SCML4: variants seen among roughly 807,000 people sequenced by gnomAD.
SCML4 encodes the protein sex comb on midleg-like protein 4.
Under a neutral mutation model 41.1 loss-of-function variants are expected in SCML4, and 34 were observed. The observed-to-expected ratio is 0.83, with a 90% CI of 0.63 to 1.10. The LOEUF (loss-of-function observed/expected upper bound fraction) is 1.10, where lower values mean the gene tolerates loss of function less well. SCML4 is among the 50% of genes least tolerant of loss of function. SCML4 has a pLI of 0.00. For synonymous variants in SCML4, 214 were observed against 220.9 expected (o/e 0.97, Z 0.28); for missense variants, 522 against 534.1 (o/e 0.98, Z 0.22).
rs543060112 is a variant in SCML4, at chr6:107,813,370, T to TTATATATA, written c.-60+10748_-60+10755dup. On this transcript the variant is annotated intron_variant, in intron 1 of 7. Coordinates refer to ENST00000369020, the MANE Select transcript of SCML4 (RefSeq NM_198081.5). ...AGAGTGAGACGCCATCTCAAAAAAA[T>TTATATATA]TATATATATATATATATATATATAT... is the stretch of plus-strand genomic sequence containing the variant. Among the ~76,000 whole-genome samples the TTATATATA allele has an allele frequency of 1.8e-3, 76 of 42,414 alleles. 1 individual carries two copies. Among genetic ancestry groups the TTATATATA allele is most frequent in the African/African-American group, 3.0e-3 (22 of 7,326 alleles). The allele number at this position is 42,414 out of a possible 152,430, so 27.8% of individuals were successfully genotyped here. A position where few individuals can be genotyped will look rare whatever the true frequency, so the allele number is the denominator to read the frequency against.
intron 1 of SCML4, among the ~76,000 whole-genome samples, chr6:107,820,925 C>G (rs927728600): frequency 1.3e-5 from 2 of 152,200 alleles, no homozygotes; most frequent in African/African-American, 4.8e-5. Context: ...CTTTTGACCT[C>G]AGAAATTTTA....
intron 1 of SCML4, among the ~76,000 whole-genome samples, chr6:107,786,607 T>C (rs1562258010): frequency 6.6e-6 from 1 of 152,182 alleles, no homozygotes; most frequent in Non-Finnish European, 1.5e-5. Flanking sequence ...CTTCCATCTA[T>C]CCCCACCTGG....
chr6:107,782,350 G>T (rs1476155564), intron 1 of SCML4, among the ~76,000 whole-genome samples: 1 of 151,640 alleles, frequency 6.6e-6, no homozygotes, highest in Non-Finnish European at 1.5e-5. Flanking sequence ...AGGCCTGCTT[G>T]TTGGGGCTGC....
chr6:107,818,887 G>A (rs964503165), intron 1 of SCML4, among the ~76,000 whole-genome samples: 6 of 152,178 alleles, frequency 3.9e-5, no homozygotes, highest in Non-Finnish European at 5.9e-5. Context: ...CTGGTGAGAG[G>A]GGCAGGCCCT....
At chr6:107,731,815 C>G (rs1328987726) in intron 5 of SCML4, among the ~76,000 whole-genome samples, 1 of 152,202 alleles carries the variant, frequency 6.6e-6, no homozygotes, top group South Asian at 2.1e-4. Flanking sequence ...AGCAGCTACC[C>G]CTCTTTGCTT....
intron 5 of SCML4, among the ~76,000 whole-genome samples, chr6:107,729,093 T>G (rs1776280683): frequency 1.3e-5 from 2 of 152,210 alleles, no homozygotes; most frequent in African/African-American, 4.8e-5. Context: ...CCCCAAATGT[T>G]AAATGCTTTC....
At chr6:107,801,411 T>G (rs1053157657) in intron 1 of SCML4, among the ~76,000 whole-genome samples, 8 of 152,146 alleles carry the variant, frequency 5.3e-5, no homozygotes, top group African/African-American at 1.7e-4. Flanking sequence ...ACTCCAGTCC[T>G]CCACCCACCT....
chr6:107,716,418 A>G (rs769981141), intron 6 of SCML4, among the ~76,000 whole-genome samples: 22 of 152,198 alleles, frequency 1.4e-4, no homozygotes, highest in Non-Finnish European at 2.5e-4. Context: ...AATCAAATAT[A>G]CCAATACCTT....
intron 6 of SCML4, among the ~76,000 whole-genome samples, chr6:107,708,751 T>A (rs1470856347): frequency 1.3e-5 from 2 of 152,212 alleles, no homozygotes; most frequent in African/African-American, 4.8e-5. Context: ...CCATAGCTGC[T>A]TCCTGGGAAA....
rs1387567916 is a variant in SCML4 at position 107,765,162 on chromosome 6, A to G, written c.156+7010T>C. Among the ~76,000 whole-genome samples, 5 of 152,210 alleles carry G rather than the reference A, an allele frequency of 3.3e-5. No individual in the cohort carries two copies. In the East Asian group the frequency reaches 9.6e-4, roughly 29 times the overall value. ...ACCAACAATCTTTAGCAGAAACCAT[A>G]CATGTCAAGAACTGCTTGGTGTGAT... On this transcript the variant is annotated intron_variant, in intron 2 of 7. Transcript: ENST00000369020.
At chr6:107,778,225 ATATATATATATATATATAT>A (rs1562248933) in intron 1 of SCML4, among the ~76,000 whole-genome samples, 39 of 6,330 alleles carry the variant, frequency 6.2e-3, no homozygotes, top group African/African-American at 1.0e-2. Context: ...AAAAAAAAAT[ATATATATATATATATATAT>A]ATATATATAT....
intron 1 of SCML4, among the ~76,000 whole-genome samples, chr6:107,801,503 T>G (rs1245125723): frequency 6.6e-6 from 1 of 152,188 alleles, no homozygotes; most frequent in Non-Finnish European, 1.5e-5. Flanking sequence ...CTCTCCAGAA[T>G]AGAGTCCATC....
intron 6 of SCML4, chr6:107,720,363 T>G: frequency 2.0e-6 from 2 of 1,011,248 alleles, no homozygotes; most frequent in Non-Finnish European, 2.4e-6. Flanking sequence ...ACAAAATAGA[T>G]GGAGCCTATG....
chr6:107,806,578 G>A (rs992830706), intron 1 of SCML4, among the ~76,000 whole-genome samples: 2 of 152,140 alleles, frequency 1.3e-5, no homozygotes, highest in African/African-American at 2.4e-5. Flanking sequence ...ACTCTGCACC[G>A]GGCCTTCCAG....
chr6:107,791,536 G>A (rs1481339283), intron 1 of SCML4, among the ~76,000 whole-genome samples: 1 of 152,162 alleles, frequency 6.6e-6, no homozygotes, highest in African/African-American at 2.4e-5. Context: ...AAAAGAGGTT[G>A]GATTTGGGAT....
intron 5 of SCML4, among the ~76,000 whole-genome samples, chr6:107,730,276 T>A (rs1374376250): frequency 6.6e-6 from 1 of 152,162 alleles, no homozygotes; most frequent in Non-Finnish European, 1.5e-5. Flanking sequence ...TGTTGGAGGA[T>A]CTAACTCCTG....
intron 2 of SCML4, 74 bp from the exon 3 acceptor site, chr6:107,749,887 C>T (rs1181271894): frequency 2.4e-5 from 36 of 1,506,826 alleles, no homozygotes; most frequent in South Asian, 3.4e-5. Context: ...CTGTCCTAGA[C>T]GGCAGTTAAC....
intron 1 of SCML4, among the ~76,000 whole-genome samples, chr6:107,816,476 A>G (rs1638374081): frequency 6.6e-6 from 1 of 152,194 alleles, no homozygotes; most frequent in African/African-American, 2.4e-5. Context: ...GCTTTTCTGA[A>G]CTGGAATCCG....
intron 1 of SCML4, among the ~76,000 whole-genome samples, chr6:107,808,552 A>G (rs1279117772): frequency 6.6e-6 from 1 of 152,146 alleles, no homozygotes; most frequent in Non-Finnish European, 1.5e-5. Flanking sequence ...GATTACAAGC[A>G]TGAACCACCA....
Sources: allele counts gnomAD v4.1 joint callset (sites outside exome capture counted in the v4.1 genomes callset), GRCh38; gene constraint gnomAD v4.1.1; transcripts MANE v1.5; gene names NCBI Gene and HGNC (gene_info 2026-07-23, HGNC 2026-07-21).